Variants in FAM163B observed in about 807,000 individuals in gnomAD.
FAM163B encodes the protein family with sequence similarity 163 member B.
A neutral mutation model predicts 7.6 loss-of-function variants in FAM163B; 4 were observed. The observed-to-expected ratio is 0.52, with a 90% CI of 0.26 to 1.20. The LOEUF (loss-of-function observed/expected upper bound fraction) is 1.20, where lower values mean the gene tolerates loss of function less well. Among genes scored for constraint, FAM163B ranks in the 50% most tolerant of loss-of-function variants. The pLI is 0.14. For missense variants in FAM163B, 250 were observed against 243.0 expected, an observed-to-expected ratio of 1.03 and a Z score of -0.19; for synonymous variants, 120 against 111.6, an observed-to-expected ratio of 1.07 and a Z score of -0.47.
rs1004884009 is a variant in FAM163B at position 133,605,722 on chromosome 9, G to A, written c.-24+3355C>T. On this transcript the variant is annotated intron_variant, in intron 1 of 2. Transcript: ENST00000673969. ...GGCCGCAACCTCACTGCCTACGTGC[G>A]GCCCATCCCGAGCGTCCGGCGCTGC... Among the ~76,000 whole-genome samples, 9 of 152,126 alleles carry A rather than the reference G, an allele frequency of 5.9e-5. 2 individuals are homozygous for A. Among genetic ancestry groups the A allele is most frequent in the South Asian group, 2.1e-4 (1 of 4,830 alleles).
chr9:133,579,071 G>T lies in FAM163B; in HGVS notation c.452C>A (p.Ala151Asp). Residue 151 changes from alanine (A) to aspartate (D), a missense_variant, in exon 3 of 3, where the codon GCC becomes GAC. Coordinates refer to ENST00000673969, the MANE Select transcript of FAM163B (RefSeq NM_001080515.3). ...GCTCCTGGCGAAGGCCTCCCGCATG[G>T]CTGAGAGGCGGTTGGGGTTGAGCGC... The part of the protein sequence containing the change: ...LQALNPNRLS[A>D]MREAFARSRS... 1 of 1,592,472 alleles carries T rather than the reference G, an allele frequency of 6.3e-7. No individual in the cohort carries two copies.
chr9:133,598,918 G>A (rs556000545), intron 1 of FAM163B, among the ~76,000 whole-genome samples: 1 of 152,186 alleles, frequency 6.6e-6, no homozygotes, highest in East Asian at 1.9e-4. Flanking sequence ...AACAAAGGTG[G>A]CCTGAGATCC....
Position 133,601,525 on chromosome 9 carries a change from C to A in FAM163B, c.-24+7552G>T, listed in dbSNP as rs1215895560. ...GACCCACTCTCTCTGGAGTTCCCTTCCGATTACTGAAACCCCCATAACTGG... is the reference window on the plus strand; with the variant it reads ...GACCCACTCTCTCTGGAGTTCCCTTACGATTACTGAAACCCCCATAACTGG... On this transcript the variant is annotated intron_variant, in intron 1 of 2. Coordinates refer to ENST00000673969, the MANE Select transcript of FAM163B (RefSeq NM_001080515.3). The surrounding 1 kb of genome is among the most constrained non-coding windows in gnomAD (Gnocchi z 4.1). Among the ~76,000 whole-genome samples the A allele has an allele frequency of 6.6e-6, 1 of 152,174 alleles. No individual in the cohort carries two copies. Among genetic ancestry groups the A allele is most frequent in the Non-Finnish European group, 1.5e-5 (1 of 68,034 alleles).
At chr9:133,597,980 T>C (rs1172917684) in intron 1 of FAM163B, among the ~76,000 whole-genome samples, 2 of 152,162 alleles carry the variant, frequency 1.3e-5, no homozygotes, top group Non-Finnish European at 2.9e-5. Context: ...GGCTCAAAGC[T>C]CAGCTCCTTC....
At chr9:133,589,693 C>A (rs551594005) in intron 1 of FAM163B, among the ~76,000 whole-genome samples, 1 of 152,270 alleles carries the variant, frequency 6.6e-6, no homozygotes, top group East Asian at 1.9e-4. Context: ...CCCACACTTG[C>A]ACCGCAGGCC....
At chr9:133,599,957 GTGTGTGCATGTGTGTGTGTC>G (rs1412571177) in intron 1 of FAM163B, among the ~76,000 whole-genome samples, 2 of 112,606 alleles carry the variant, frequency 1.8e-5, no homozygotes, top group African/African-American at 6.6e-5. Context: ...ATGTGTGTGC[GTGTGTGCATGTGTGTGTGTC>G]TGTGTGCATA....
intron 1 of FAM163B, among the ~76,000 whole-genome samples, chr9:133,587,866 G>A (rs113482243): frequency 1.5e-4 from 23 of 152,214 alleles, no homozygotes; most frequent in African/African-American, 5.3e-4. Flanking sequence ...CTCAGGCTGG[G>A]GTCCCTGAAG....
chr9:133,585,557 C>T (rs1160678955), intron 1 of FAM163B, among the ~76,000 whole-genome samples: 5 of 152,256 alleles, frequency 3.3e-5, no homozygotes, highest in African/African-American at 1.2e-4. Context: ...CTGAGATGCC[C>T]AGCGCTCGTG....
At chr9:133,608,339 C>T (rs911468479) in intron 1 of FAM163B, among the ~76,000 whole-genome samples, 5 of 152,184 alleles carry the variant, frequency 3.3e-5, no homozygotes, top group Admixed American at 6.5e-5. Context: ...GGACAGGACA[C>T]GAGTGGGGTG....
rs1831794441 is a variant in FAM163B, at chr9:133,606,732, G to C, written c.-24+2345C>G. On this transcript the variant is annotated intron_variant, in intron 1 of 2. Coordinates refer to ENST00000673969, the MANE Select transcript of FAM163B (RefSeq NM_001080515.3). The surrounding 1 kb of genome is among the most constrained non-coding windows in gnomAD (Gnocchi z 4.0). ...AGGGCCAGGAGCGGAGTGGAGGACA[G>C]AACAAGGGCTCGGCTGCTGCTCTGC... 6.6e-6 allele frequency among the ~76,000 whole-genome samples: 1 copy of C among 152,230 alleles called. No individual in the cohort carries two copies. The highest frequency in any genetic ancestry group is 6.5e-5 in the Admixed American group (1 of 15,282).
chr9:133,605,231 G>A (rs1444092506), intron 1 of FAM163B, among the ~76,000 whole-genome samples: 1 of 152,212 alleles, frequency 6.6e-6, no homozygotes, highest in Non-Finnish European at 1.5e-5. Flanking sequence ...CATCAGAGGC[G>A]GATGTAATGA....
At chr9:133,592,478 G>A (rs1588329168) in intron 1 of FAM163B, among the ~76,000 whole-genome samples, 1 of 152,178 alleles carries the variant, frequency 6.6e-6, no homozygotes, top group Non-Finnish European at 1.5e-5. Flanking sequence ...AGCCATAGAA[G>A]AGTGCCTTCC....
In FAM163B at chr9:133,577,806, C is replaced by T. The variant is rs1412610644; in HGVS notation, c.*1216G>A. 5.3e-5 allele frequency among the ~76,000 whole-genome samples: 8 copies of T among 152,176 alleles called. No homozygotes were observed. Among genetic ancestry groups the T allele is most frequent in the African/African-American group, 1.9e-4 (8 of 41,426 alleles). On this transcript the variant is annotated 3_prime_UTR_variant, in exon 3 of 3. Coordinates refer to ENST00000673969, the MANE Select transcript of FAM163B (RefSeq NM_001080515.3). Reference sequence around the variant, plus strand: ...ATGTGGGGCATTTCTCTGGGGTAGCCATTGACGTCATTTCCTTAGCAGCAG... The same window carrying T: ...ATGTGGGGCATTTCTCTGGGGTAGCTATTGACGTCATTTCCTTAGCAGCAG...
intron 1 of FAM163B, among the ~76,000 whole-genome samples, chr9:133,588,615 AAG>A (rs1831480232): frequency 6.6e-6 from 1 of 152,228 alleles, no homozygotes; most frequent in Non-Finnish European, 1.5e-5. Flanking sequence ...TAGGATGCTG[AAG>A]GATCTAGCAT....
Position 133,579,307 on chromosome 9 carries a change from G to A in FAM163B, c.216C>T (p.Leu72=). The change falls in exon 3 of 3, where the codon CTC becomes CTT. Residue 72 remains leucine (L), a synonymous_variant. Transcript: ENST00000673969. ...TGAAGGAGGTGGAGGCGGTGGGGTA[G>A]AGCGCCGGCCCGTTGGTCAGCACCA... is the stretch of plus-strand genomic sequence containing the variant. ...RNLVLTNGPA[L]YPTASTSFSQ... is the part of the protein sequence containing the mutation. 6.2e-7 allele frequency: 1 copy of A among 1,613,584 alleles called. No individual in the cohort carries two copies.
intron 1 of FAM163B, among the ~76,000 whole-genome samples, chr9:133,583,163 A>G (rs1183191899): frequency 3.3e-5 from 5 of 152,114 alleles, no homozygotes; most frequent in African/African-American, 1.2e-4. Flanking sequence ...TCATGCAGGG[A>G]TTAAAATTCA....
chr9:133,580,953 G>A lies in FAM163B; in HGVS notation c.-23-707C>T, dbSNP rs1831347276. Among the ~76,000 whole-genome samples the A allele has an allele frequency of 2.0e-5, 3 of 152,298 alleles. No individual in the cohort carries two copies. The South Asian group carries it at 6.2e-4, about 32-fold the overall frequency. On this transcript the variant is annotated intron_variant, in intron 1 of 2. Transcript: ENST00000673969. ...TTCTTACATTAAAGAAATATTTTTA[G>A]CAATGTTTTAATAAGCGTCTTTGTA...
rs1217696359 is a variant in FAM163B, at chr9:133,600,399, G to T, written c.-24+8678C>A. Among the ~76,000 whole-genome samples the T allele has an allele frequency of 3.9e-5, 6 of 152,118 alleles. No individual in the cohort carries two copies. Among genetic ancestry groups the T allele is most frequent in the African/African-American group, 1.4e-4 (6 of 41,428 alleles). On this transcript the variant is annotated intron_variant, in intron 1 of 2. Transcript: ENST00000673969. The surrounding 1 kb of genome is among the most constrained non-coding windows in gnomAD (Gnocchi z 4.9). ...GCTGGCCCACACGGCAGCCGGGGCA[G>T]GGGCGTGTGCCACAGTACCCCTGTT... is the stretch of plus-strand genomic sequence containing the variant.
intron 1 of FAM163B, among the ~76,000 whole-genome samples, chr9:133,592,407 C>T (rs34158079): frequency 0.12 from 18,111 of 152,172 alleles, 1,300 homozygotes; most frequent in South Asian, 0.27. Context: ...AGAGGGAGGC[C>T]GAGGGTGTGT....
Sources: gnomAD v4.1 joint callset for allele counts (sites outside exome capture counted in the v4.1 genomes callset) on GRCh38, gnomAD v4.1.1 for gene constraint, Gnocchi (gnomAD v3.1) non-coding constraint, MANE v1.5 for transcripts, NCBI Gene and HGNC (gene_info 2026-07-23, HGNC 2026-07-21) for gene names.